The following GALNT13 variants were observed in gnomAD, a reference collection of about 807,000 sequenced individuals.
The protein encoded by GALNT13 is UDP-GalNAc:polypeptide N-acetylgalactosaminyltransferase 13.
Under a neutral mutation model 64.2 loss-of-function variants are expected in GALNT13, and 28 were observed. The ratio of observed to expected loss-of-function variants is 0.44; its 90% CI spans 0.32 to 0.60. The LOEUF (loss-of-function observed/expected upper bound fraction) is 0.60, where lower values mean the gene tolerates loss of function less well. Among genes scored for constraint, GALNT13 ranks in the 20% least tolerant of loss-of-function variants. GALNT13 has a pLI of 0.05. For synonymous variants in GALNT13, 214 were observed against 224.6 expected (o/e 0.95, Z 0.42); for missense variants, 577 against 669.8 (o/e 0.86, Z 1.53).
intron 3 of GALNT13, among the ~76,000 whole-genome samples, chr2:154,051,279 C>CTTTT (rs34890901): frequency 7.4e-3 from 757 of 102,238 alleles, no homozygotes; most frequent in East Asian, 0.014. Flanking sequence ...CTTACTCCTT[C>CTTTT]TTTTTTTTTT....
At chr2:153,535,950 A>C in the GALNT13 span, among the ~76,000 whole-genome samples, 4 of 152,066 alleles carry the variant, frequency 2.6e-5, no homozygotes, top group Non-Finnish European at 4.4e-5. Flanking sequence ...TTAGGAAAGG[A>C]CTCTACCTAT....
chr2:154,148,694 T>C (rs1683777067), intron 4 of GALNT13, among the ~76,000 whole-genome samples: 1 of 152,246 alleles, frequency 6.6e-6, no homozygotes, highest in Non-Finnish European at 1.5e-5. Context: ...GAGCATTTTT[T>C]CATGTGTCTT....
the GALNT13 span, among the ~76,000 whole-genome samples, chr2:153,372,575 G>A: frequency 1.3e-5 from 2 of 151,962 alleles, no homozygotes; most frequent in African/African-American, 2.4e-5. Context: ...GAACCAGGGG[G>A]GCAGAGGTTG....
the GALNT13 span, among the ~76,000 whole-genome samples, chr2:153,833,926 A>G: frequency 6.6e-6 from 1 of 152,110 alleles, no homozygotes; most frequent in African/African-American, 2.4e-5. Flanking sequence ...TTCTTAGTAT[A>G]ATATTGGACA....
chr2:154,357,763 A>G (rs1696831566), intron 9 of GALNT13, among the ~76,000 whole-genome samples: 1 of 152,018 alleles, frequency 6.6e-6, no homozygotes. Flanking sequence ...TTTGACATTC[A>G]GCTGGAGTGA....
At chr2:154,214,596 T>C (rs567528990) in intron 4 of GALNT13, among the ~76,000 whole-genome samples, 40 of 152,210 alleles carry the variant, frequency 2.6e-4, no homozygotes, top group African/African-American at 9.6e-4. Context: ...GTTCTCATGA[T>C]AGTGAGTGAG....
chr2:154,056,146 AAG>A (rs535979754), intron 3 of GALNT13, among the ~76,000 whole-genome samples: 128 of 152,286 alleles, frequency 8.4e-4, no homozygotes, highest in Admixed American at 3.5e-3. Context: ...AAAAGAAAAA[AAG>A]GAAAAAACTC....
At chr2:153,566,022 TG>T in the GALNT13 span, among the ~76,000 whole-genome samples, 1 of 152,178 alleles carries the variant, frequency 6.6e-6, no homozygotes, top group Non-Finnish European at 1.5e-5. Flanking sequence ...GTCTTAGTTA[TG>T]TAATATCAAA....
Position 154,040,422 on chromosome 2 carries a change from T to G in GALNT13, c.142+95783T>G, listed in dbSNP as rs561329776. 3.3e-4 allele frequency among the ~76,000 whole-genome samples: 46 copies of G among 141,022 alleles called. 4 individuals are homozygous for G. The highest frequency in any genetic ancestry group is 9.7e-4 in the African/African-American group (40 of 41,068). The allele number at this position is 141,022 out of a possible 152,430, so 92.5% of individuals were successfully genotyped here. A position where few individuals can be genotyped will look rare whatever the true frequency, so the allele number is the denominator to read the frequency against. On this transcript the variant is annotated intron_variant, in intron 3 of 12. Coordinates refer to ENST00000392825, the MANE Select transcript of GALNT13 (RefSeq NM_052917.4). The stretch of plus-strand genomic sequence containing the variant: ...GTTTTCATTGGGACGTAGTATAAAT[T>G]AATTGATAATGGTAAAGACTTTGAA...
chr2:154,102,625 C>T (rs2105467188), intron 3 of GALNT13, among the ~76,000 whole-genome samples: 1 of 152,152 alleles, frequency 6.6e-6, no homozygotes. Flanking sequence ...CACTAAAGAA[C>T]TTATCCAAAC....
intron 9 of GALNT13, among the ~76,000 whole-genome samples, chr2:154,327,204 T>TA (rs1383018649): frequency 7.9e-5 from 12 of 152,198 alleles, no homozygotes; most frequent in African/African-American, 2.4e-4. Context: ...TGTTCGGCAT[T>TA]TCTCCTTCCT....
chr2:153,699,838 G>A, the GALNT13 span, among the ~76,000 whole-genome samples: 1 of 152,118 alleles, frequency 6.6e-6, no homozygotes, highest in Admixed American at 6.6e-5. Flanking sequence ...CTGAAATTGA[G>A]GCAGTGTTTA....
At chr2:153,746,456 C>T in the GALNT13 span, among the ~76,000 whole-genome samples, 1 of 152,100 alleles carries the variant, frequency 6.6e-6, no homozygotes, top group African/African-American at 2.4e-5. Context: ...TTAAAATTCA[C>T]CTGTAATGTT....
chr2:154,283,836 A>T (rs1358986098), intron 8 of GALNT13, among the ~76,000 whole-genome samples: 1 of 152,186 alleles, frequency 6.6e-6, no homozygotes, highest in East Asian at 1.9e-4. Context: ...AGGTAGGTAG[A>T]TAGTAAGTTC....
intron 3 of GALNT13, among the ~76,000 whole-genome samples, chr2:154,048,048 A>G (rs1305185740): frequency 6.6e-6 from 1 of 152,228 alleles, no homozygotes; most frequent in Non-Finnish European, 1.5e-5. Context: ...CAGGGAGCAT[A>G]GTAGCTTCTA....
At chr2:154,090,415 G>T (rs1701748448) in intron 3 of GALNT13, among the ~76,000 whole-genome samples, 1 of 151,934 alleles carries the variant, frequency 6.6e-6, no homozygotes, top group African/African-American at 2.4e-5. Flanking sequence ...TGTTCTAATA[G>T]AAATTGCTAT....
At chr2:153,338,135 TA>T in the GALNT13 span, among the ~76,000 whole-genome samples, 17,762 of 151,338 alleles carry the variant, frequency 0.12, 1,163 homozygotes, top group South Asian at 0.22. Flanking sequence ...CTACAAACAA[TA>T]AAAAAAATTA....
chr2:153,216,625 A>G, the GALNT13 span, among the ~76,000 whole-genome samples: 1 of 152,068 alleles, frequency 6.6e-6, no homozygotes, highest in South Asian at 2.1e-4. Flanking sequence ...AAATGTCCAA[A>G]TAATTGCATC....
the GALNT13 span, among the ~76,000 whole-genome samples, chr2:153,711,304 G>T: frequency 1.3e-5 from 2 of 152,024 alleles, no homozygotes; most frequent in Non-Finnish European, 1.5e-5. Context: ...CTAAAATCTG[G>T]CCTCAAGTTA....
Sources: gnomAD v4.1 joint callset for allele counts (sites outside exome capture counted in the v4.1 genomes callset) on GRCh38, gnomAD v4.1.1 for gene constraint, MANE v1.5 for transcripts, NCBI Gene and HGNC (gene_info 2026-07-23, HGNC 2026-07-21) for gene names.